The following PTPRD variants were observed in gnomAD, a reference collection of about 807,000 sequenced individuals.
PTPRD encodes protein tyrosine phosphatase receptor type D.
PTPRD carries 34 observed loss-of-function variants against 214.5 expected under a neutral mutation model. The ratio of observed to expected loss-of-function variants is 0.16; its 90% CI spans 0.12 to 0.21. The LOEUF (loss-of-function observed/expected upper bound fraction) is 0.21. Ranked by LOEUF, PTPRD falls within the 10% of genes least tolerant of loss-of-function variation. The probability of loss-of-function intolerance (pLI) is 1.00; values close to 1 mark genes in which losing one functional copy is unlikely to be tolerated. For missense variants in PTPRD, 2,545 were observed against 2,398.7 expected, an observed-to-expected ratio of 1.06 and a Z score of -1.27; for synonymous variants, 1,128 against 845.7, an observed-to-expected ratio of 1.33 and a Z score of -5.79.
At chr9:10,354,441 T>G (rs1042072852) in intron 2 of PTPRD, among the ~76,000 whole-genome samples, 16 of 152,136 alleles carry the variant, frequency 1.1e-4, no homozygotes. Flanking sequence ...TCTTGTCCTC[T>G]TCATCACTTT....
intron 8 of PTPRD, among the ~76,000 whole-genome samples, chr9:9,441,575 T>C (rs936364937): frequency 1.3e-5 from 2 of 152,280 alleles, no homozygotes; most frequent in South Asian, 4.1e-4. Context: ...ATGAATGAGA[T>C]ACTCATTTCA....
chr9:8,581,152 G>C (rs1264365400), intron 14 of PTPRD, among the ~76,000 whole-genome samples: 1 of 151,884 alleles, frequency 6.6e-6, no homozygotes, highest in Non-Finnish European at 1.5e-5. Context: ...TCAAGTTAAA[G>C]TAACTGTAAG....
Position 10,303,430 on chromosome 9 carries a change from T to C in PTPRD, c.-545+37533A>G, listed in dbSNP as rs995854893. On this transcript the variant is annotated intron_variant, in intron 3 of 45. Coordinates refer to ENST00000381196, the MANE Select transcript of PTPRD (RefSeq NM_002839.4). ...AAGATCAGAGCAGAACTGAAGGAGA[T>C]AGAAACACAAAAAAAAACCTTCAAA... Among the ~76,000 whole-genome samples the C allele has an allele frequency of 1.5e-4, 21 of 138,528 alleles. 1 individual carries two copies. The highest frequency in any genetic ancestry group is 2.9e-4 in the Non-Finnish European group (19 of 66,126). 90.9% of individuals were successfully genotyped at this position (138,528 alleles called of 152,430 possible).
At chr9:8,693,267 G>A (rs147570732) in intron 12 of PTPRD, among the ~76,000 whole-genome samples, 1 of 152,138 alleles carries the variant, frequency 6.6e-6, no homozygotes, top group Non-Finnish European at 1.5e-5. Context: ...CAGTTGAGTA[G>A]TGGAACACCT....
intron 8 of PTPRD, among the ~76,000 whole-genome samples, chr9:9,440,840 G>A (rs1372379239): frequency 6.6e-6 from 1 of 152,176 alleles, no homozygotes; most frequent in African/African-American, 2.4e-5. Flanking sequence ...TCATGATTAT[G>A]TTTAGCACAT....
chr9:10,078,678 T>C (rs1270171321), intron 3 of PTPRD, among the ~76,000 whole-genome samples: 1 of 152,100 alleles, frequency 6.6e-6, no homozygotes, highest in Non-Finnish European at 1.5e-5. Flanking sequence ...ACCAACTTCA[T>C]AAAATAACCT....
intron 14 of PTPRD, among the ~76,000 whole-genome samples, chr9:8,582,103 C>G (rs1028816080): frequency 6.6e-6 from 1 of 151,822 alleles, no homozygotes; most frequent in Non-Finnish European, 1.5e-5. Flanking sequence ...ATGGTAATGA[C>G]AAATCAGAAA....
intron 8 of PTPRD, among the ~76,000 whole-genome samples, chr9:9,540,603 TGAAA>T (rs1313444749): frequency 2.6e-5 from 4 of 151,854 alleles, no homozygotes; most frequent in Non-Finnish European, 1.5e-5. Flanking sequence ...AAGTGGGACT[TGAAA>T]GAGGAGACTT....
intron 8 of PTPRD, among the ~76,000 whole-genome samples, chr9:9,456,029 T>C (rs933560795): frequency 6.6e-6 from 1 of 151,830 alleles, no homozygotes; most frequent in African/African-American, 2.4e-5. Context: ...CAAAGTTAAA[T>C]TGGCAACAAC....
intron 9 of PTPRD, among the ~76,000 whole-genome samples, chr9:9,248,330 G>A (rs2099973965): frequency 6.6e-6 from 1 of 152,042 alleles, no homozygotes; most frequent in Non-Finnish European, 1.5e-5. Flanking sequence ...CTGACCTCAA[G>A]TGATCCACCT....
At chr9:10,132,576 G>C (rs577620542) in intron 3 of PTPRD, among the ~76,000 whole-genome samples, 1 of 152,254 alleles carries the variant, frequency 6.6e-6, no homozygotes, top group African/African-American at 2.4e-5. Context: ...ACTTGGAGTG[G>C]AAATTATTGA....
At chr9:10,513,129 T>C (rs2048853796) in intron 2 of PTPRD, among the ~76,000 whole-genome samples, 1 of 151,982 alleles carries the variant, frequency 6.6e-6, no homozygotes, top group African/African-American at 2.4e-5. Flanking sequence ...CAGTATTTTG[T>C]TTTTGTTTTT....
chr9:9,551,627 A>G (rs1032379089), intron 8 of PTPRD, among the ~76,000 whole-genome samples: 1 of 151,990 alleles, frequency 6.6e-6, no homozygotes, highest in Non-Finnish European at 1.5e-5. Context: ...TTCTCAGTAC[A>G]TCCTTTGTTC....
chr9:9,716,396 A>G (rs2097832550), intron 7 of PTPRD, among the ~76,000 whole-genome samples: 1 of 151,734 alleles, frequency 6.6e-6, no homozygotes. Flanking sequence ...GTCAAATGGT[A>G]TTTCTAGTTC....
chr9:10,521,025 A>G (rs1319845897), intron 2 of PTPRD, among the ~76,000 whole-genome samples: 1 of 151,942 alleles, frequency 6.6e-6, no homozygotes, highest in Non-Finnish European at 1.5e-5. Flanking sequence ...CTTTCAAGTC[A>G]TTATTTTAGA....
chr9:9,779,078 C>CAAA lies in PTPRD; in HGVS notation c.-367-12230_-367-12228dup, dbSNP rs869120926. ...GCCATGTGATCTTTCATAAGACTGA[C>CAAA]AAAAAAAAAAAAAAAAAAAAAAAAA... On this transcript the variant is annotated intron_variant, in intron 5 of 45. Transcript: ENST00000381196. Among the ~76,000 whole-genome samples, 41 of 45,486 alleles carry CAAA rather than the reference C, an allele frequency of 9.0e-4. 1 individual carries two copies. The highest frequency in any genetic ancestry group is 2.0e-3 in the African/African-American group (22 of 11,274). The allele number at this position is 45,486 out of a possible 152,430, so 29.8% of individuals were successfully genotyped here. A position where few individuals can be genotyped will look rare whatever the true frequency, so the allele number is the denominator to read the frequency against.
chr9:10,394,761 T>C (rs2098135505), intron 2 of PTPRD, among the ~76,000 whole-genome samples: 2 of 140,200 alleles, frequency 1.4e-5, no homozygotes, highest in South Asian at 4.6e-4. Flanking sequence ...TTTAATAATT[T>C]AGATTTTTGA....
chr9:8,806,038 C>A (rs2096672044), intron 11 of PTPRD, among the ~76,000 whole-genome samples: 1 of 151,220 alleles, frequency 6.6e-6, no homozygotes, highest in South Asian at 2.1e-4. Context: ...ATTCTCCTGC[C>A]TCAGCCTCCT....
intron 8 of PTPRD, among the ~76,000 whole-genome samples, chr9:9,525,977 A>G (rs1208457855): frequency 6.6e-6 from 1 of 152,168 alleles, no homozygotes; most frequent in Non-Finnish European, 1.5e-5. Flanking sequence ...GTTTCTCTTC[A>G]CCCTGTGAGA....
Sources: allele counts gnomAD v4.1 joint callset (sites outside exome capture counted in the v4.1 genomes callset), GRCh38; gene constraint gnomAD v4.1.1; transcripts MANE v1.5; gene names NCBI Gene and HGNC (gene_info 2026-07-23, HGNC 2026-07-21).